MYO16: variants seen among roughly 807,000 people sequenced by gnomAD.
MYO16 encodes myosin XVI, also known as unconventional myosin-XVI.
In MYO16, 94 loss-of-function variants were observed where a neutral mutation model predicts 205.3. The observed-to-expected ratio is 0.46, with a 90% confidence interval of 0.39 to 0.54. The LOEUF is 0.54. Among genes scored for constraint, MYO16 ranks in the 20% least tolerant of loss-of-function variants. The pLI, the probability that MYO16 is intolerant of heterozygous loss-of-function variation, is 0.00. For synonymous variants in MYO16, 988 were observed against 954.0 expected (o/e 1.04, Z -0.66); for missense variants, 2,315 against 2,387.5 (o/e 0.97, Z 0.63).
At chr13:109,064,983 G>T (rs1408153395) in intron 27 of MYO16, among the ~76,000 whole-genome samples, 1 of 152,178 alleles carries the variant, frequency 6.6e-6, no homozygotes. Context: ...GGATTAGTGG[G>T]CAATGCTTGC....
chr13:108,677,344 T>TATATGC (rs1555337973), intron 2 of MYO16, among the ~76,000 whole-genome samples: 2 of 93,246 alleles, frequency 2.1e-5, no homozygotes, highest in African/African-American at 7.9e-5. Context: ...TGTATATATA[T>TATATGC]ATATATATAT....
At chr13:108,963,244 T>C (rs1460354512) in intron 19 of MYO16, among the ~76,000 whole-genome samples, 2 of 152,222 alleles carry the variant, frequency 1.3e-5, no homozygotes, top group African/African-American at 4.8e-5. Flanking sequence ...AAATCGCTAC[T>C]ATTCTTTCTC....
At chr13:109,073,550 A>G (rs963506791) in intron 27 of MYO16, among the ~76,000 whole-genome samples, 5 of 152,204 alleles carry the variant, frequency 3.3e-5, no homozygotes, top group African/African-American at 1.2e-4. Flanking sequence ...AGCCTAAAAC[A>G]CATACAGAAA....
chr13:109,043,760 C>A (rs1886955979), intron 23 of MYO16, among the ~76,000 whole-genome samples: 1 of 151,680 alleles, frequency 6.6e-6, no homozygotes, highest in Non-Finnish European at 1.5e-5. Flanking sequence ...GAGGGGATCC[C>A]AGATGGCACC....
chr13:109,023,650 TG>T (rs1886215107), intron 23 of MYO16, among the ~76,000 whole-genome samples: 1 of 129,182 alleles, frequency 7.7e-6, no homozygotes. Context: ...TACAAATATA[TG>T]TATATATGTA....
intron 16 of MYO16, among the ~76,000 whole-genome samples, chr13:108,947,373 A>G (rs1210558310): frequency 6.6e-6 from 1 of 152,102 alleles, no homozygotes; most frequent in Non-Finnish European, 1.5e-5. Flanking sequence ...CCCTAGGCTG[A>G]GGATGTCTTG....
the MYO16 span, among the ~76,000 whole-genome samples, chr13:108,590,529 A>G: frequency 6.6e-6 from 1 of 152,180 alleles, no homozygotes; most frequent in African/African-American, 2.4e-5. Context: ...TGCAAATGTG[A>G]CCTTATTTGG....
At position 108,968,495 on chromosome 13, in the gene MYO16, G is replaced by A. The variant is rs553455604; in HGVS notation, c.2369+3593G>A. Among the ~76,000 whole-genome samples, 17 of 152,140 alleles carry A rather than the reference G, an allele frequency of 1.1e-4. No homozygotes were observed. In the South Asian group the frequency reaches 3.5e-3, roughly 32 times the overall value. On this transcript the variant is annotated intron_variant, in intron 20 of 34. Transcript: ENST00000457511. ...CAAAAAATTAGCCAGGCGTGGTGGT[G>A]CATCCCTGTAGACCCAGCTACTCGG...
chr13:108,916,639 C>A (rs1283782657), intron 16 of MYO16, among the ~76,000 whole-genome samples: 1 of 152,120 alleles, frequency 6.6e-6, no homozygotes, highest in African/African-American at 2.4e-5. Flanking sequence ...ACTAACAGAG[C>A]TTTTGTTACC....
chr13:108,926,970 T>A (rs1258256670), intron 16 of MYO16, among the ~76,000 whole-genome samples: 1 of 151,972 alleles, frequency 6.6e-6, no homozygotes, highest in Non-Finnish European at 1.5e-5. Context: ...ATTTCTAGAG[T>A]CCCGGTATGG....
chr13:109,140,619 G>A lies in MYO16; in HGVS notation c.4407G>A (p.Ala1469=), dbSNP rs929090026. 6 of 1,518,288 alleles carry A rather than the reference G, an allele frequency of 4.0e-6. No individual in the cohort carries two copies. Among genetic ancestry groups the A allele is most frequent in the Non-Finnish European group, 4.4e-6 (5 of 1,138,484 alleles). The allele number at this position is 1,518,288 out of a possible 1,614,324, so 94.1% of individuals were successfully genotyped here. Residue 1469 remains alanine (A), a synonymous_variant, in exon 32 of 35, where the codon GCG becomes GCA. Coordinates refer to ENST00000457511, the MANE Select transcript of MYO16 (RefSeq NM_001198950.3). This position sits in a 1 kb window ranked among gnomAD's most constrained non-coding sequence, Gnocchi z 8.0. ...TGCCCGACGACGGCGGCCCGGGCGC[G>A]GGCTCCTTCCTGCTCCACGGCGCAT... ...CCLPDDGGPG[A]GSFLLHGASP...
At chr13:108,852,288 T>C (rs1377171357) in intron 10 of MYO16, among the ~76,000 whole-genome samples, 3 of 152,204 alleles carry the variant, frequency 2.0e-5, no homozygotes, top group African/African-American at 7.2e-5. Context: ...GCTAAACCTC[T>C]AGCACAATGG....
intron 31 of MYO16, among the ~76,000 whole-genome samples, chr13:109,133,675 T>A (rs1876641810): frequency 6.6e-6 from 1 of 152,192 alleles, no homozygotes; most frequent in African/African-American, 2.4e-5. Context: ...TCATGGACTG[T>A]CTTCCCTACT....
At chr13:108,821,634 G>A (rs1323536597) in intron 8 of MYO16, among the ~76,000 whole-genome samples, 3 of 152,136 alleles carry the variant, frequency 2.0e-5, no homozygotes, top group African/African-American at 7.2e-5. Flanking sequence ...GGGAGGATAT[G>A]ACTGACCTTT....
At chr13:108,566,733 GGGAGGAAGGAAGGAAGGA>G in the MYO16 span, among the ~76,000 whole-genome samples, 12 of 122,518 alleles carry the variant, frequency 9.8e-5, no homozygotes, top group Admixed American at 8.8e-4. Flanking sequence ...AAGGAAGGAA[GGGAGGAAGGAAGGAAGGA>G]AGGAAGGAAG....
intron 4 of MYO16, among the ~76,000 whole-genome samples, chr13:108,776,872 G>A (rs9521036): frequency 0.34 from 51,226 of 152,022 alleles, 9,867 homozygotes; most frequent in East Asian, 0.63. Flanking sequence ...TTTGAGCAGA[G>A]ATTTGAACTG....
chr13:108,548,500 T>C, the MYO16 span, among the ~76,000 whole-genome samples: 1 of 151,034 alleles, frequency 6.6e-6, no homozygotes, highest in Non-Finnish European at 1.5e-5. Flanking sequence ...GTAGTTGTGT[T>C]GGTAATAAAG....
intron 16 of MYO16, among the ~76,000 whole-genome samples, chr13:108,929,054 A>G (rs1280736771): frequency 6.6e-6 from 1 of 152,256 alleles, no homozygotes; most frequent in Admixed American, 6.5e-5. Context: ...AGTCACATAT[A>G]CAGTGATACT....
intron 4 of MYO16, among the ~76,000 whole-genome samples, chr13:108,785,410 GT>G (rs1251106609): frequency 6.6e-6 from 1 of 152,194 alleles, no homozygotes; most frequent in African/African-American, 2.4e-5. Context: ...TGGGGCCAAA[GT>G]TTTGCAAGAG....
Sources: allele counts gnomAD v4.1 joint callset (sites outside exome capture counted in the v4.1 genomes callset), GRCh38; gene constraint gnomAD v4.1.1; non-coding constraint Gnocchi (gnomAD v3.1); transcripts MANE v1.5; gene names NCBI Gene and HGNC (gene_info 2026-07-23, HGNC 2026-07-21).